Variants in BCL11B observed in about 807,000 individuals in gnomAD.
The protein encoded by BCL11B is B-cell lymphoma/leukemia 11B.
Under a neutral mutation model 49.9 loss-of-function variants are expected in BCL11B, and 8 were observed. That is an observed-to-expected ratio of 0.16 (90% CI 0.09 to 0.29). The LOEUF (loss-of-function observed/expected upper bound fraction) is 0.29. Among genes scored for constraint, BCL11B ranks in the 10% least tolerant of loss-of-function variants. The probability of loss-of-function intolerance (pLI) is 1.00; values close to 1 mark genes in which losing one functional copy is unlikely to be tolerated. For missense variants in BCL11B, 1,006 were observed against 1,351.0 expected (o/e 0.74, Z 4.00); for synonymous variants, 739 against 637.4 (o/e 1.16, Z -2.40).
chr14:99,224,877 G>A (rs78414649), intron 3 of BCL11B, among the ~76,000 whole-genome samples: 54 of 152,240 alleles, frequency 3.5e-4, no homozygotes, highest in African/African-American at 1.2e-3. Flanking sequence ...TCTAACACGG[G>A]TCCACAATGA....
intron 3 of BCL11B, among the ~76,000 whole-genome samples, chr14:99,226,579 T>C (rs917658408): frequency 2.0e-5 from 3 of 152,232 alleles, no homozygotes; most frequent in Non-Finnish European, 4.4e-5. Flanking sequence ...TGCTTCTTGT[T>C]TGGTATGAAA....
intron 3 of BCL11B, among the ~76,000 whole-genome samples, chr14:99,216,657 A>T (rs1443477959): frequency 6.6e-6 from 1 of 152,304 alleles, no homozygotes; most frequent in Non-Finnish European, 1.5e-5. Context: ...GACACACACC[A>T]CAAATCCAGG....
intron 3 of BCL11B, among the ~76,000 whole-genome samples, chr14:99,199,685 CGCGCGCGCGCGCACGTGCACGT>C (rs1298508914): frequency 1.7e-5 from 1 of 58,850 alleles, no homozygotes; most frequent in Non-Finnish European, 6.3e-5. Context: ...TGTGTGTGTG[CGCGCGCGCGCGCACGTGCACGT>C]GTGTGCGTGT....
At chr14:99,199,253 C>A (rs1887271925) in intron 3 of BCL11B, among the ~76,000 whole-genome samples, 1 of 152,206 alleles carries the variant, frequency 6.6e-6, no homozygotes, top group African/African-American at 2.4e-5. Context: ...GTATTCATCT[C>A]TGGCTCCTAA....
chr14:99,194,319 A>G lies in BCL11B; in HGVS notation c.641-18124T>C, dbSNP rs1196863424. On this transcript the variant is annotated intron_variant, in intron 3 of 3. Transcript: ENST00000357195. The surrounding 1 kb of genome is among the most constrained non-coding windows in gnomAD (Gnocchi z 4.6). ...GGCCTTCCCCGGACTGCACTGGCTT[A>G]CAGAACACACCCAGTTCTGGTAAGA... 6.6e-6 allele frequency among the ~76,000 whole-genome samples: 1 copy of G among 152,208 alleles called. No individual in the cohort carries two copies. Among genetic ancestry groups the G allele is most frequent in the Non-Finnish European group, 1.5e-5 (1 of 68,028 alleles).
At chr14:99,176,406 C>T (rs952415229) in intron 3 of BCL11B, among the ~76,000 whole-genome samples, 12 of 152,168 alleles carry the variant, frequency 7.9e-5, no homozygotes, top group African/African-American at 2.2e-4. Flanking sequence ...GTGGGCGGGC[C>T]GCCCTGGCCA....
chr14:99,255,649 T>C (rs993347754), intron 2 of BCL11B, among the ~76,000 whole-genome samples: 1 of 152,002 alleles, frequency 6.6e-6, no homozygotes, highest in Non-Finnish European at 1.5e-5. Flanking sequence ...GCGGCCCGAG[T>C]CTCCCTAGCA....
In BCL11B at chr14:99,231,392, C is replaced by T; in HGVS notation, c.593G>A (p.Gly198Asp). ...ARPVSGDGTQ[G>D]EGQTEAPFGC... is the part of the protein sequence containing the mutation. Reference sequence around the variant, plus strand: ...AAAGGGAGCCTCCGTCTGACCCTCACCCTGAGTCCCGTCACCCGAGACCGG... The same window carrying T: ...AAAGGGAGCCTCCGTCTGACCCTCATCCTGAGTCCCGTCACCCGAGACCGG... The change falls in exon 3 of 4, where the codon GGT becomes GAT. Residue 198 changes from glycine (G) to aspartate (D), a missense_variant. Physicochemically the swap from Gly to Asp is moderately conservative, Grantham distance 94. This residue lies in a region of BCL11B where 411 missense variants were observed against 542.2 expected (regional missense o/e 0.76). Transcript: ENST00000357195. The surrounding 1 kb of genome is among the most constrained non-coding windows in gnomAD (Gnocchi z 8.1). The T allele has an allele frequency of 6.2e-7, 1 of 1,602,002 alleles. No individual in the cohort carries two copies.
chr14:99,191,931 C>T (rs1887042067), intron 3 of BCL11B, among the ~76,000 whole-genome samples: 1 of 152,184 alleles, frequency 6.6e-6, no homozygotes, highest in Admixed American at 6.5e-5. Context: ...GCAGCATCAA[C>T]ACTTATGTGG....
chr14:99,187,263 G>A (rs570596854), intron 3 of BCL11B, among the ~76,000 whole-genome samples: 6 of 152,332 alleles, frequency 3.9e-5, no homozygotes, highest in Admixed American at 2.0e-4. Context: ...AAGAGCCGGG[G>A]CAGGACGCAC....
intron 2 of BCL11B, among the ~76,000 whole-genome samples, chr14:99,238,671 T>A (rs1218133993): frequency 1.3e-5 from 2 of 152,116 alleles, no homozygotes; most frequent in Admixed American, 1.3e-4. Flanking sequence ...CAGCTTGGAC[T>A]CTTCTTTTGC....
rs1409374636 is a variant in BCL11B, at chr14:99,205,559, T to C, written c.640+25786A>G. 6.6e-6 allele frequency among the ~76,000 whole-genome samples: 1 copy of C among 151,926 alleles called. No homozygotes were observed. The highest frequency in any genetic ancestry group is 1.5e-5 in the Non-Finnish European group (1 of 67,966). On this transcript the variant is annotated intron_variant, in intron 3 of 3. Transcript: ENST00000357195. This position sits in a 1 kb window ranked among gnomAD's most constrained non-coding sequence, Gnocchi z 5.0. ...CCCTGTCCTGGGCGCTCTGTGAACT[T>C]TGTGATGCCTGAGATGAGCTCCCTT...
At chr14:99,221,236 T>C (rs1187967074) in intron 3 of BCL11B, among the ~76,000 whole-genome samples, 1 of 152,186 alleles carries the variant, frequency 6.6e-6, no homozygotes, top group Non-Finnish European at 1.5e-5. Context: ...GCAAAAGAAC[T>C]TGAGTCAGAA....
rs566304048 is a variant in BCL11B, at chr14:99,234,277, T to C, written c.428-2720A>G. ...TTGTGAATAGATCCAAAACCACTGATTGTACACTTTAAAATGGTCAATTGT... is the reference window on the plus strand; with the variant it reads ...TTGTGAATAGATCCAAAACCACTGACTGTACACTTTAAAATGGTCAATTGT... On this transcript the variant is annotated intron_variant, in intron 2 of 3. Transcript: ENST00000357195. 1.9e-4 allele frequency among the ~76,000 whole-genome samples: 29 copies of C among 152,196 alleles called. 1 individual carries two copies. The East Asian group carries it at 5.0e-3, about 26-fold the overall frequency.
At chr14:99,230,530 C>T (rs1480768512) in intron 3 of BCL11B, among the ~76,000 whole-genome samples, 2 of 152,318 alleles carry the variant, frequency 1.3e-5, no homozygotes, top group Non-Finnish European at 2.9e-5. Context: ...TGTGAGAGGG[C>T]CCTTTGCCCT....
At chr14:99,217,393 C>CACACACACATACAG (rs1887881752) in intron 3 of BCL11B, among the ~76,000 whole-genome samples, 1 of 149,502 alleles carries the variant, frequency 6.7e-6, no homozygotes. Flanking sequence ...CAGACACACA[C>CACACACACATACAG]ACACACACAC....
chr14:99,191,099 CAGTT>C (rs1852294429), intron 3 of BCL11B, among the ~76,000 whole-genome samples: 1 of 152,104 alleles, frequency 6.6e-6, no homozygotes, highest in East Asian at 1.9e-4. Flanking sequence ...AGGTTGTTGT[CAGTT>C]AGAAAAAAAC....
intron 3 of BCL11B, among the ~76,000 whole-genome samples, chr14:99,178,456 G>A (rs1365775216): frequency 6.6e-6 from 1 of 152,160 alleles, no homozygotes; most frequent in Admixed American, 6.5e-5. Context: ...CAAGGCCCTG[G>A]GTGGCCGCGA....
At chr14:99,188,407 C>T (rs1367714297) in intron 3 of BCL11B, among the ~76,000 whole-genome samples, 2 of 152,248 alleles carry the variant, frequency 1.3e-5, no homozygotes, top group Non-Finnish European at 2.9e-5. Flanking sequence ...CCCACAACCA[C>T]TAACCAGTAA....
Sources: gnomAD v4.1 joint callset for allele counts (sites outside exome capture counted in the v4.1 genomes callset) on GRCh38, gnomAD v4.1.1 for gene constraint, gnomAD v4.1.1 regional missense constraint, Gnocchi (gnomAD v3.1) non-coding constraint, MANE v1.5 for transcripts, NCBI Gene and HGNC (gene_info 2026-07-23, HGNC 2026-07-21) for gene names.